CACNG2: variants seen among roughly 807,000 people sequenced by gnomAD.
The protein encoded by CACNG2 is calcium voltage-gated channel auxiliary subunit gamma 2.
In CACNG2, 3 loss-of-function variants were observed where a neutral mutation model predicts 25.9. The observed-to-expected ratio is 0.12, with a 90% CI of 0.05 to 0.30. The LOEUF is 0.30. Ranked by LOEUF, CACNG2 falls within the 10% of genes least tolerant of loss-of-function variation. CACNG2 has a pLI of 1.00. For synonymous variants in CACNG2, 167 were observed against 173.3 expected (o/e 0.96, Z 0.29); for missense variants, 341 against 432.5 (o/e 0.79, Z 1.88).
intron 1 of CACNG2, among the ~76,000 whole-genome samples, chr22:36,661,024 T>G (rs969567150): frequency 3.3e-5 from 5 of 152,220 alleles, no homozygotes; most frequent in African/African-American, 1.2e-4. Flanking sequence ...GCCAATGACC[T>G]GTGTCAGTGC....
chr22:36,630,533 T>C (rs1312836871), intron 1 of CACNG2, among the ~76,000 whole-genome samples: 1 of 152,008 alleles, frequency 6.6e-6, no homozygotes, highest in East Asian at 1.9e-4. Flanking sequence ...TCCAGGTTCA[T>C]TGAAAGAGGT....
At chr22:36,679,456 AT>A (rs1937067901) in intron 1 of CACNG2, among the ~76,000 whole-genome samples, 1 of 152,210 alleles carries the variant, frequency 6.6e-6, no homozygotes, top group Non-Finnish European at 1.5e-5. Context: ...TAATTAAAAA[AT>A]AAATACGTTT....
At chr22:36,679,862 G>A (rs190128590) in intron 1 of CACNG2, among the ~76,000 whole-genome samples, 11 of 152,210 alleles carry the variant, frequency 7.2e-5, no homozygotes, top group East Asian at 3.9e-4. Flanking sequence ...TTTGGACACC[G>A]TGAAGAGTTG....
intron 2 of CACNG2, among the ~76,000 whole-genome samples, chr22:36,570,647 C>A (rs939332062): frequency 5.3e-5 from 8 of 151,382 alleles, no homozygotes; most frequent in African/African-American, 1.9e-4. Flanking sequence ...TCAGTAGTCT[C>A]AGCTACTGGG....
intron 1 of CACNG2, among the ~76,000 whole-genome samples, chr22:36,592,253 C>A (rs879275912): frequency 9.3e-5 from 1 of 10,712 alleles, no homozygotes; most frequent in Admixed American, 1.3e-3. Context: ...GGGGGTGGAG[C>A]GGGGAGGGCA....
chr22:36,673,717 G>A (rs1374006520), intron 1 of CACNG2, among the ~76,000 whole-genome samples: 9 of 152,152 alleles, frequency 5.9e-5, no homozygotes, highest in African/African-American at 2.2e-4. Flanking sequence ...AGGGGCTTCG[G>A]CCTCTCTCTT....
chr22:36,581,216 A>C (rs1288011209), intron 2 of CACNG2, among the ~76,000 whole-genome samples: 1 of 152,138 alleles, frequency 6.6e-6, no homozygotes, highest in Non-Finnish European at 1.5e-5. Flanking sequence ...GGTGGGGCGA[A>C]ATCCATATTG....
At chr22:36,691,404 A>C (rs1937266986) in intron 1 of CACNG2, among the ~76,000 whole-genome samples, 1 of 152,184 alleles carries the variant, frequency 6.6e-6, no homozygotes, top group Non-Finnish European at 1.5e-5. Context: ...TTTTCAAAGC[A>C]GTGAGGAAAT....
Position 36,587,492 on chromosome 22 carries a change from C to T in CACNG2, c.268G>A (p.Glu90Lys), listed in dbSNP as rs1487422848. ...IDHFPEDADY[E>K]ADTAEYFLRA... ...AGGAAATATTCTGCTGTGTCAGCTT[C>T]GTAATCTGCATCCTCTGGGAAGTGA... The change falls in exon 2 of 4, where the codon GAA becomes AAA. Residue 90 changes from glutamate (E) to lysine (K), a missense_variant. Physicochemically the swap from Glu to Lys is moderately conservative, Grantham distance 56. Coordinates refer to ENST00000300105, the MANE Select transcript of CACNG2 (RefSeq NM_006078.5). The T allele has an allele frequency of 6.8e-6, 11 of 1,613,536 alleles. No individual in the cohort carries two copies. The highest frequency in any genetic ancestry group is 1.3e-5 in the African/African-American group (1 of 75,034).
rs1936913966 is a variant in CACNG2, at chr22:36,669,140, T to G, written c.211+33226A>C. On this transcript the variant is annotated intron_variant, in intron 1 of 3. Coordinates refer to ENST00000300105, the MANE Select transcript of CACNG2 (RefSeq NM_006078.5). The stretch of plus-strand genomic sequence containing the variant: ...ATCACACCACCCACCCTAGAATGCC[T>G]GCCTGCGTCAGTTCTGTATCTCCCA... 2.0e-5 allele frequency among the ~76,000 whole-genome samples: 3 copies of G among 152,258 alleles called. No individual in the cohort carries two copies. In the South Asian group the frequency reaches 6.2e-4, roughly 32 times the overall value.
At chr22:36,691,442 C>T (rs574517232) in intron 1 of CACNG2, among the ~76,000 whole-genome samples, 37 of 152,252 alleles carry the variant, frequency 2.4e-4, no homozygotes, top group Admixed American at 2.4e-3. Context: ...ATTCCCCCAC[C>T]CTGCCCTGGA....
In CACNG2 at chr22:36,587,317, C is replaced by T; in HGVS notation, c.295+148G>A. ...CAGAGGGAACAGCACATATGAAGGTCTGTACTCCGGAAAGGAGAGAGGCTT... is the reference window on the plus strand; with the variant it reads ...CAGAGGGAACAGCACATATGAAGGTTTGTACTCCGGAAAGGAGAGAGGCTT... On this transcript the variant is annotated intron_variant, in intron 2 of 3. Transcript: ENST00000300105. 5 of 724,456 alleles carry T rather than the reference C, an allele frequency of 6.9e-6. No individual in the cohort carries two copies. In the South Asian group the frequency reaches 7.3e-5, roughly 11 times the overall value. 44.9% of individuals were successfully genotyped at this position (724,456 alleles called of 1,614,324 possible). A position where few individuals can be genotyped will look rare whatever the true frequency, so the allele number is the denominator to read the frequency against.
intron 1 of CACNG2, among the ~76,000 whole-genome samples, chr22:36,690,904 C>T (rs1199771257): frequency 5.3e-5 from 8 of 152,194 alleles, no homozygotes; most frequent in East Asian, 1.9e-4. Context: ...GCAATCTCAC[C>T]GTATAATCAT....
At chr22:36,686,117 CTGAGG>C (rs1937193582) in intron 1 of CACNG2, among the ~76,000 whole-genome samples, 1 of 152,188 alleles carries the variant, frequency 6.6e-6, no homozygotes, top group Admixed American at 6.5e-5. Context: ...CTGCAAATGT[CTGAGG>C]GTGGAGGCTC....
At chr22:36,593,739 G>A (rs1466779493) in intron 1 of CACNG2, among the ~76,000 whole-genome samples, 1 of 152,082 alleles carries the variant, frequency 6.6e-6, no homozygotes, top group African/African-American at 2.4e-5. Flanking sequence ...CTGGGATACA[G>A]GTCACTGTGC....
Position 36,702,700 on chromosome 22 carries a change from A to C in CACNG2, c.-124T>G. 1.4e-6 allele frequency: 1 copy of C among 708,940 alleles called. No individual in the cohort carries two copies. Among genetic ancestry groups the C allele is most frequent in the Admixed American group, 2.2e-5 (1 of 45,564 alleles). 43.9% of individuals were successfully genotyped at this position (708,940 alleles called of 1,614,324 possible). ...AATTATTCCACTACTAATATAATGG[A>C]TATATGTATGAATAGAGAATATGGA... On this transcript the variant is annotated 5_prime_UTR_variant, in exon 1 of 4. Coordinates refer to ENST00000300105, the MANE Select transcript of CACNG2 (RefSeq NM_006078.5).
At chr22:36,688,467 C>G (rs1937228405) in intron 1 of CACNG2, among the ~76,000 whole-genome samples, 1 of 147,178 alleles carries the variant, frequency 6.8e-6, no homozygotes, top group Non-Finnish European at 1.5e-5. Flanking sequence ...TTGAACCCAA[C>G]AGTTTGAGGC....
intron 1 of CACNG2, among the ~76,000 whole-genome samples, chr22:36,671,025 T>C (rs940597936): frequency 6.6e-6 from 1 of 151,988 alleles, no homozygotes; most frequent in Non-Finnish European, 1.5e-5. Flanking sequence ...TTCAAGCGAT[T>C]CTTGAGCCTC....
chr22:36,584,446 C>T (rs915950433), intron 2 of CACNG2: 1 of 152,306 alleles, frequency 6.6e-6, no homozygotes, highest in Non-Finnish European at 1.5e-5. Flanking sequence ...GCAACAACAA[C>T]AACAACAAAA....
Sources: gnomAD v4.1 joint callset for allele counts (sites outside exome capture counted in the v4.1 genomes callset) on GRCh38, gnomAD v4.1.1 for gene constraint, MANE v1.5 for transcripts, NCBI Gene and HGNC (gene_info 2026-07-23, HGNC 2026-07-21) for gene names.